The following SAMD12 variants were observed in gnomAD, a reference collection of about 807,000 sequenced individuals.
SAMD12 encodes the protein sterile alpha motif domain containing 12.
In SAMD12, 9 loss-of-function variants were observed where a neutral mutation model predicts 15.0. The ratio of observed to expected loss-of-function variants is 0.60; its 90% confidence interval spans 0.36 to 1.05. SAMD12 has a LOEUF of 1.05. SAMD12 is among the 50% of genes least tolerant of loss of function. SAMD12 has a pLI of 0.01. For synonymous variants in SAMD12, 86 were observed against 90.1 expected (o/e 0.96, Z 0.25); for missense variants, 230 against 234.2 (o/e 0.98, Z 0.12).
At chr8:118,264,450 C>T (rs1459894666) in intron 4 of SAMD12, among the ~76,000 whole-genome samples, 2 of 152,136 alleles carry the variant, frequency 1.3e-5, no homozygotes, top group African/African-American at 4.8e-5. Context: ...AAACATTCTG[C>T]AAGCCCTGGT....
chr8:118,298,435 A>G (rs1814840370), intron 4 of SAMD12, among the ~76,000 whole-genome samples: 1 of 152,186 alleles, frequency 6.6e-6, no homozygotes, highest in African/African-American at 2.4e-5. Flanking sequence ...TTTTTTTAAA[A>G]AGATGTGAAA....
chr8:118,575,279 C>G (rs573322008), intron 2 of SAMD12, among the ~76,000 whole-genome samples: 2 of 152,294 alleles, frequency 1.3e-5, no homozygotes, highest in South Asian at 2.1e-4. Context: ...CCAAAGCCAA[C>G]TGCAAGCAAT....
chr8:118,262,890 C>G (rs139653966), intron 4 of SAMD12, among the ~76,000 whole-genome samples: 1 of 152,184 alleles, frequency 6.6e-6, no homozygotes, highest in East Asian at 1.9e-4. Context: ...GGGAGGCACT[C>G]AAATAACTTT....
At chr8:118,397,017 G>A (rs1019631253) in intron 3 of SAMD12, among the ~76,000 whole-genome samples, 5 of 152,330 alleles carry the variant, frequency 3.3e-5, no homozygotes, top group African/African-American at 1.2e-4. Context: ...CCATGGGGAA[G>A]ATTGAGTGAG....
the SAMD12 span, among the ~76,000 whole-genome samples, chr8:118,157,559 T>G: frequency 1.3e-5 from 2 of 152,216 alleles, no homozygotes; most frequent in African/African-American, 4.8e-5. Flanking sequence ...GTTTGAAATT[T>G]TTCATCAATA....
At chr8:118,491,836 A>G (rs1215760193) in intron 2 of SAMD12, among the ~76,000 whole-genome samples, 1 of 152,122 alleles carries the variant, frequency 6.6e-6, no homozygotes, top group African/African-American at 2.4e-5. Context: ...CAATTTGTTG[A>G]TCTATTCTCT....
At chr8:118,220,140 G>C (rs1475625475) in intron 4 of SAMD12, among the ~76,000 whole-genome samples, 1 of 152,150 alleles carries the variant, frequency 6.6e-6, no homozygotes. Flanking sequence ...GACCAACCTG[G>C]GAGTTCTGTG....
At chr8:118,450,535 G>T (rs1203069902) in intron 2 of SAMD12, among the ~76,000 whole-genome samples, 1 of 152,130 alleles carries the variant, frequency 6.6e-6, no homozygotes. Flanking sequence ...AATGTTCGAT[G>T]AATGAAAGCA....
At chr8:118,438,786 T>C (rs553648669) in intron 3 of SAMD12, among the ~76,000 whole-genome samples, 2 of 152,192 alleles carry the variant, frequency 1.3e-5, no homozygotes, top group Admixed American at 1.3e-4. Flanking sequence ...TCATCGAGAA[T>C]GCTGAGCTAT....
intron 4 of SAMD12, among the ~76,000 whole-genome samples, chr8:118,210,824 G>A (rs1003712467): frequency 1.3e-5 from 2 of 152,262 alleles, no homozygotes; most frequent in African/African-American, 4.8e-5. Flanking sequence ...TCTGAAAGAA[G>A]GCCTCACATA....
chr8:118,547,145 G>C (rs998483960), intron 2 of SAMD12, among the ~76,000 whole-genome samples: 135 of 152,286 alleles, frequency 8.9e-4, no homozygotes, highest in African/African-American at 3.1e-3. Flanking sequence ...TGAAAGATTA[G>C]TGCGAGCTTG....
chr8:118,190,137 T>C (rs1819322792), exon 5 of SAMD12: 1 of 152,162 alleles, frequency 6.6e-6, no homozygotes. Flanking sequence ...ATGTGCTTTT[T>C]AGCCATGTTT....
downstream of SAMD12, among the ~76,000 whole-genome samples, chr8:118,188,819 G>A (rs73316057): frequency 8.0e-3 from 1,219 of 152,174 alleles, 15 homozygotes; most frequent in African/African-American, 0.027. Flanking sequence ...ACAATACATG[G>A]AGGTGTGTGG....
intron 4 of SAMD12, among the ~76,000 whole-genome samples, chr8:118,273,063 C>T (rs1244035969): frequency 6.6e-6 from 1 of 152,136 alleles, no homozygotes; most frequent in Non-Finnish European, 1.5e-5. Flanking sequence ...CTGTATTAGT[C>T]TGTTCTCATG....
intron 2 of SAMD12, among the ~76,000 whole-genome samples, chr8:118,551,921 A>G (rs1462998085): frequency 6.6e-6 from 1 of 151,264 alleles, no homozygotes; most frequent in African/African-American, 2.4e-5. Context: ...AAACTAGAAA[A>G]TCTAGAAGAA....
At chr8:118,486,680 T>C (rs1824295759) in intron 2 of SAMD12, among the ~76,000 whole-genome samples, 1 of 152,054 alleles carries the variant, frequency 6.6e-6, no homozygotes, top group Admixed American at 6.6e-5. Context: ...AAGAAATCAG[T>C]GTTGGTTTAA....
intron 2 of SAMD12, among the ~76,000 whole-genome samples, chr8:118,525,563 C>G (rs951972457): frequency 6.6e-6 from 1 of 152,190 alleles, no homozygotes; most frequent in African/African-American, 2.4e-5. Context: ...AAAAGTGCAT[C>G]AGGTGCTTCT....
chr8:118,489,758 G>T (rs1434525577), intron 2 of SAMD12, among the ~76,000 whole-genome samples: 1 of 152,138 alleles, frequency 6.6e-6, no homozygotes, highest in African/African-American at 2.4e-5. Context: ...TCTAAGCCCA[G>T]TTGTTATAAT....
At chr8:118,373,705 T>C (rs960017625), downstream of SAMD12, among the ~76,000 whole-genome samples, 18 of 152,158 alleles carry the variant, frequency 1.2e-4, no homozygotes, top group African/African-American at 3.6e-4. Flanking sequence ...GGAATAATTA[T>C]GAAGGCATAT....
Sources: gnomAD v4.1 joint callset for allele counts (sites outside exome capture counted in the v4.1 genomes callset) on GRCh38, gnomAD v4.1.1 for gene constraint, MANE v1.5 for transcripts, NCBI Gene and HGNC (gene_info 2026-07-23, HGNC 2026-07-21) for gene names.